Variants in MAP6 observed in about 807,000 individuals in gnomAD.
MAP6 encodes microtubule-associated protein 6.
Under a neutral mutation model 42.4 loss-of-function variants are expected in MAP6, and 26 were observed. That is an observed-to-expected ratio of 0.61 (90% CI 0.45 to 0.85). The LOEUF is 0.85. Among genes scored for constraint, MAP6 ranks in the 40% least tolerant of loss-of-function variants. The pLI is 0.00. For synonymous variants in MAP6, 418 were observed against 443.8 expected (o/e 0.94, Z 0.73); for missense variants, 966 against 1,099.0 (o/e 0.88, Z 1.71).
chr11:75,611,417 G>A (rs1565260865), intron 1 of MAP6, among the ~76,000 whole-genome samples: 1 of 152,260 alleles, frequency 6.6e-6, no homozygotes, highest in East Asian at 1.9e-4. Context: ...CGTCTCACCT[G>A]TGAGCACTAA....
intron 3 of MAP6, among the ~76,000 whole-genome samples, chr11:75,591,520 C>A (rs1173933772): frequency 6.6e-6 from 1 of 152,320 alleles, no homozygotes; most frequent in African/African-American, 2.4e-5. Context: ...GGCAAAGCCA[C>A]CCCCTCAGGG....
At chr11:75,651,938 G>T (rs73488483) in intron 1 of MAP6, among the ~76,000 whole-genome samples, 2,561 of 152,246 alleles carry the variant, frequency 0.017, 77 homozygotes, top group African/African-American at 0.059. Flanking sequence ...ACAGCCCTCT[G>T]CCTGTTTTTC....
intron 1 of MAP6, among the ~76,000 whole-genome samples, chr11:75,618,488 T>G (rs1291191328): frequency 6.6e-6 from 1 of 151,880 alleles, no homozygotes; most frequent in Non-Finnish European, 1.5e-5. Flanking sequence ...GCGCCTGTAA[T>G]CCCAGGTACT....
intron 3 of MAP6, chr11:75,604,616 C>T: frequency 1.0e-6 from 1 of 985,136 alleles, no homozygotes; most frequent in Non-Finnish European, 1.2e-6. Context: ...TTCACAACAA[C>T]TCCCTGACTA....
At chr11:75,664,012 A>G (rs1943901453) in intron 1 of MAP6, among the ~76,000 whole-genome samples, 1 of 152,134 alleles carries the variant, frequency 6.6e-6, no homozygotes, top group Non-Finnish European at 1.5e-5. Flanking sequence ...ATCTACCCCT[A>G]TTATCTGATG....
At chr11:75,607,031 T>C (rs558290874) in intron 2 of MAP6, among the ~76,000 whole-genome samples, 1 of 152,338 alleles carries the variant, frequency 6.6e-6, no homozygotes, top group South Asian at 2.1e-4. Flanking sequence ...ACAGAGCTGA[T>C]GCTGGGCCTT....
At chr11:75,604,522 C>T in intron 3 of MAP6, 6 of 985,388 alleles carry the variant, frequency 6.1e-6, no homozygotes, top group Non-Finnish European at 7.2e-6. Context: ...ACAGAGTGTG[C>T]TGAGCAATAT....
chr11:75,666,319 G>A (rs538441464), intron 1 of MAP6, among the ~76,000 whole-genome samples: 31 of 152,240 alleles, frequency 2.0e-4, no homozygotes, highest in African/African-American at 6.0e-4. Flanking sequence ...AATATATACC[G>A]GATGGATGAA....
At chr11:75,595,400 C>T (rs981721643) in intron 3 of MAP6, among the ~76,000 whole-genome samples, 1 of 152,244 alleles carries the variant, frequency 6.6e-6, no homozygotes. Context: ...AGCCCCACAA[C>T]AGTTCAGACT....
intron 1 of MAP6, among the ~76,000 whole-genome samples, chr11:75,634,338 G>A (rs763110963): frequency 8.5e-5 from 13 of 152,174 alleles, no homozygotes; most frequent in Non-Finnish European, 1.6e-4. Context: ...GTGCCAGGGC[G>A]TGATCTTGGC....
intron 1 of MAP6, among the ~76,000 whole-genome samples, chr11:75,646,526 C>CCA (rs1943556283): frequency 8.0e-6 from 1 of 124,646 alleles, no homozygotes; most frequent in Non-Finnish European, 1.6e-5. Flanking sequence ...AAAAAAAAGG[C>CCA]AAGAGCAGTA....
intron 1 of MAP6, among the ~76,000 whole-genome samples, chr11:75,656,567 A>G (rs1295232663): frequency 2.6e-5 from 4 of 152,150 alleles, no homozygotes; most frequent in Non-Finnish European, 5.9e-5. Flanking sequence ...ACAGACACCA[A>G]GAGCTCATCC....
At chr11:75,623,770 C>T (rs551499183) in intron 1 of MAP6, among the ~76,000 whole-genome samples, 38 of 152,278 alleles carry the variant, frequency 2.5e-4, no homozygotes, top group African/African-American at 8.4e-4. Context: ...AGTGCAGTGG[C>T]GCTATCTCGG....
Position 75,667,802 on chromosome 11 carries a change from T to A in MAP6, c.568A>T (p.Ile190Phe). ...ISAASQASAPILGAPKRRPQS... is the reference protein window; with the variant it reads ...ISAASQASAPFLGAPKRRPQS... ...GGCCGGCGCTTGGGCGCCCCGAGAA[T>A]GGGCGCCGACGCCTGGGAGGCCGCA... is the stretch of plus-strand genomic sequence containing the variant. Residue 190 changes from isoleucine to phenylalanine, a missense_variant, in exon 1 of 4, where the codon ATT (isoleucine) becomes TTT (phenylalanine). By Grantham distance (21) the Ile-to-Phe change is conservative. Transcript: ENST00000304771. The surrounding 1 kb of genome is among the most constrained non-coding windows in gnomAD (Gnocchi z 5.6). The A allele has an allele frequency of 2.3e-6, 3 of 1,309,818 alleles. No homozygotes were observed. The highest frequency in any genetic ancestry group is 2.9e-6 in the Non-Finnish European group (3 of 1,028,374). The allele number at this position is 1,309,818 out of a possible 1,614,324, so 81.1% of individuals were successfully genotyped here.
At chr11:75,608,436 G>A in intron 1 of MAP6, 114 bp from the exon 2 acceptor site, 1 of 797,090 alleles carries the variant, frequency 1.3e-6, no homozygotes, top group Non-Finnish European at 2.1e-6. Context: ...AGCATTGACT[G>A]AAGTGTGGCT....
chr11:75,639,558 G>A (rs543384595), intron 1 of MAP6, among the ~76,000 whole-genome samples: 2 of 152,220 alleles, frequency 1.3e-5, no homozygotes, highest in South Asian at 2.1e-4. Context: ...AGGCTGATGC[G>A]GGGTGCAAAC....
intron 1 of MAP6, among the ~76,000 whole-genome samples, chr11:75,665,291 A>G (rs1943928910): frequency 6.6e-6 from 1 of 152,236 alleles, no homozygotes; most frequent in African/African-American, 2.4e-5. Context: ...TATATGGAAC[A>G]AGGTACAACC....
chr11:75,607,070 G>T, intron 2 of MAP6: 1 of 227,358 alleles, frequency 4.4e-6, no homozygotes, highest in Non-Finnish European at 7.3e-6. Context: ...TCACTGAGGT[G>T]CAGCGGCTTT....
At chr11:75,647,907 T>C (rs1422633278) in intron 1 of MAP6, among the ~76,000 whole-genome samples, 1 of 152,118 alleles carries the variant, frequency 6.6e-6, no homozygotes, top group Non-Finnish European at 1.5e-5. Context: ...CAAAGCGTAT[T>C]ACAAAGCTAT....
Sources: gnomAD v4.1 joint callset for allele counts (sites outside exome capture counted in the v4.1 genomes callset) on GRCh38, gnomAD v4.1.1 for gene constraint, Gnocchi (gnomAD v3.1) non-coding constraint, MANE v1.5 for transcripts, NCBI Gene and HGNC (gene_info 2026-07-23, HGNC 2026-07-21) for gene names.